Variants in MGAT4C observed in about 807,000 individuals in gnomAD.
MGAT4C encodes MGAT4 family member C.
MGAT4C carries 19 observed loss-of-function variants against 40.1 expected under a neutral mutation model. The observed-to-expected ratio is 0.47, with a 90% CI of 0.33 to 0.70. MGAT4C has a LOEUF of 0.70. Among genes scored for constraint, MGAT4C ranks in the 30% least tolerant of loss-of-function variants. The probability of loss-of-function intolerance (pLI) is 0.02; values close to 1 mark genes in which losing one functional copy is unlikely to be tolerated. For missense variants in MGAT4C, 491 were observed against 563.2 expected (o/e 0.87, Z 1.30); for synonymous variants, 181 against 187.1 (o/e 0.97, Z 0.27).
chr12:86,178,022 C>T (rs952398406), intron 1 of MGAT4C, among the ~76,000 whole-genome samples: 20 of 152,146 alleles, frequency 1.3e-4, no homozygotes, highest in African/African-American at 3.9e-4. Context: ...CTGCAAGCTC[C>T]GCCTCCTGGG....
At chr12:86,550,929 C>T (rs933179280) in intron 2 of MGAT4C, among the ~76,000 whole-genome samples, 2 of 152,218 alleles carry the variant, frequency 1.3e-5, no homozygotes, top group African/African-American at 2.4e-5. Context: ...CTCTGCCGGG[C>T]CCAATGTGGG....
At chr12:86,764,398 G>A (rs554375864) in intron 1 of MGAT4C, among the ~76,000 whole-genome samples, 1 of 152,162 alleles carries the variant, frequency 6.6e-6, no homozygotes, top group African/African-American at 2.4e-5. Context: ...AGCTCAAGGA[G>A]GCCTGCCGGC....
chr12:86,346,214 T>G (rs1448543309), intron 3 of MGAT4C, among the ~76,000 whole-genome samples: 1 of 151,988 alleles, frequency 6.6e-6, no homozygotes. Flanking sequence ...ACTAGGTAGT[T>G]TTTTTGTTTT....
At chr12:86,571,733 T>C (rs1225005166) in intron 2 of MGAT4C, among the ~76,000 whole-genome samples, 2 of 152,104 alleles carry the variant, frequency 1.3e-5, no homozygotes, top group Admixed American at 6.6e-5. Flanking sequence ...AACTGTAAAA[T>C]GTTTTAATTT....
intron 1 of MGAT4C, among the ~76,000 whole-genome samples, chr12:86,773,781 A>G (rs577717416): frequency 6.6e-6 from 1 of 152,004 alleles, no homozygotes; most frequent in African/African-American, 2.4e-5. Flanking sequence ...TTTCATGGAA[A>G]GGATTTTTTA....
chr12:86,452,138 C>T (rs1957432993), intron 2 of MGAT4C, among the ~76,000 whole-genome samples: 1 of 151,724 alleles, frequency 6.6e-6, no homozygotes, highest in Non-Finnish European at 1.5e-5. Context: ...CAAGGTAGAG[C>T]TCTTCTGGCA....
At chr12:86,706,630 C>A (rs12370469) in intron 2 of MGAT4C, among the ~76,000 whole-genome samples, 7,188 of 152,150 alleles carry the variant, frequency 0.047, 213 homozygotes, top group Non-Finnish European at 0.062. Flanking sequence ...AGAAGCAAGA[C>A]AGAGTCCTCA....
chr12:86,366,641 G>A (rs1234264783), intron 3 of MGAT4C, among the ~76,000 whole-genome samples: 5 of 152,158 alleles, frequency 3.3e-5, no homozygotes, highest in Admixed American at 1.3e-4. Flanking sequence ...CCCGGATGAC[G>A]AAATCATTTA....
At chr12:86,794,046 G>A (rs1952070800) in intron 1 of MGAT4C, among the ~76,000 whole-genome samples, 1 of 151,702 alleles carries the variant, frequency 6.6e-6, no homozygotes, top group Non-Finnish European at 1.5e-5. Context: ...ATATATAAAG[G>A]AGTACATATA....
At chr12:86,499,743 G>T (rs1225356009) in intron 2 of MGAT4C, among the ~76,000 whole-genome samples, 1 of 151,834 alleles carries the variant, frequency 6.6e-6, no homozygotes, top group Admixed American at 6.6e-5. Flanking sequence ...TCAGAAATTA[G>T]AATTTCTGAA....
chr12:86,609,692 G>A (rs1021683957), intron 2 of MGAT4C, among the ~76,000 whole-genome samples: 10 of 151,406 alleles, frequency 6.6e-5, no homozygotes, highest in Non-Finnish European at 1.5e-4. Flanking sequence ...AGGAAATTAC[G>A]AGTTGCGTGG....
intron 2 of MGAT4C, among the ~76,000 whole-genome samples, chr12:86,478,099 A>T (rs996806437): frequency 6.6e-6 from 1 of 152,194 alleles, no homozygotes; most frequent in African/African-American, 2.4e-5. Context: ...AAAATTAAAT[A>T]GTAAACAGTC....
chr12:86,548,159 G>A (rs1032470241), intron 2 of MGAT4C, among the ~76,000 whole-genome samples: 1 of 152,026 alleles, frequency 6.6e-6, no homozygotes, highest in African/African-American at 2.4e-5. Flanking sequence ...ATAACCTTCT[G>A]TTTATTCCAG....
intron 1 of MGAT4C, among the ~76,000 whole-genome samples, chr12:86,217,481 T>C (rs949124093): frequency 3.3e-5 from 5 of 152,128 alleles, no homozygotes; most frequent in Admixed American, 3.3e-4. Context: ...AGGCTAAAGA[T>C]GTCTGTGACT....
intron 1 of MGAT4C, among the ~76,000 whole-genome samples, chr12:86,131,739 A>G (rs1466069166): frequency 7.9e-5 from 3 of 37,742 alleles, no homozygotes; most frequent in Non-Finnish European, 1.3e-4. Context: ...ATTTATAAAA[A>G]CTGGTTTTTT....
At chr12:86,482,097 CACACAA>C (rs989097250) in intron 2 of MGAT4C, among the ~76,000 whole-genome samples, 20 of 151,684 alleles carry the variant, frequency 1.3e-4, no homozygotes, top group African/African-American at 4.4e-4. Flanking sequence ...CACACACACA[CACACAA>C]GCAAGTCTTC....
At chr12:86,249,464 T>G (rs1047283669) in intron 1 of MGAT4C, among the ~76,000 whole-genome samples, 3 of 152,208 alleles carry the variant, frequency 2.0e-5, no homozygotes, top group Admixed American at 1.3e-4. Context: ...CAAATAATCC[T>G]GCTTCTTACC....
chr12:86,382,006 G>A (rs1038492046), intron 3 of MGAT4C, among the ~76,000 whole-genome samples: 2 of 152,138 alleles, frequency 1.3e-5, no homozygotes, highest in Admixed American at 6.6e-5. Flanking sequence ...TCCTTCTTTT[G>A]TAAATTGCCC....
At chr12:86,660,524 C>A (rs998437548) in intron 2 of MGAT4C, among the ~76,000 whole-genome samples, 1 of 152,064 alleles carries the variant, frequency 6.6e-6, no homozygotes. Flanking sequence ...GGAAAGAGAT[C>A]TAACCTGGGA....
Sources: allele counts gnomAD v4.1 joint callset (sites outside exome capture counted in the v4.1 genomes callset), GRCh38; gene constraint gnomAD v4.1.1; transcripts MANE v1.5; gene names NCBI Gene and HGNC (gene_info 2026-07-23, HGNC 2026-07-21).